THADA: variants seen among roughly 807,000 people sequenced by gnomAD.
THADA encodes the protein THADA armadillo repeat containing.
Under a neutral mutation model 219.8 loss-of-function variants are expected in THADA, and 213 were observed. The ratio of observed to expected loss-of-function variants is 0.97; its 90% confidence interval spans 0.87 to 1.09. The LOEUF (loss-of-function observed/expected upper bound fraction) is 1.09, where lower values mean the gene tolerates loss of function less well. THADA is among the 50% of genes least tolerant of loss of function. The pLI is 0.00. For synonymous variants in THADA, 1,018 were observed against 828.9 expected (o/e 1.23, Z -3.92); for missense variants, 2,956 against 2,311.3 (o/e 1.28, Z -5.72).
At chr2:43,353,897 A>G (rs1668571765) in intron 29 of THADA, among the ~76,000 whole-genome samples, 1 of 150,474 alleles carries the variant, frequency 6.6e-6, no homozygotes, top group Non-Finnish European at 1.5e-5. Context: ...GGCTCACTGC[A>G]AGCTCCGCCT....
chr2:43,543,625 G>A (rs1235777093), intron 20 of THADA, among the ~76,000 whole-genome samples: 4 of 152,222 alleles, frequency 2.6e-5, no homozygotes, highest in Admixed American at 2.6e-4. Context: ...CTGATGGCCA[G>A]TGATGGTGAG....
Position 43,378,708 on chromosome 2 carries a change from C to T in THADA, c.4227+19263G>A, listed in dbSNP as rs146548530. On this transcript the variant is annotated intron_variant, in intron 29 of 37. Transcript: ENST00000405975. The stretch of plus-strand genomic sequence containing the variant: ...GCAACCTCCACTTCCAGGGTTCAAG[C>T]GATTTTCCTGCCTCAGCCTCCTGAA... 3.2e-3 allele frequency among the ~76,000 whole-genome samples: 485 copies of T among 152,244 alleles called. 7 individuals carry two copies. The highest frequency in any genetic ancestry group is 3.4e-3 in the Non-Finnish European group (229 of 68,024).
chr2:43,497,668 C>T (rs1273162327), intron 25 of THADA, among the ~76,000 whole-genome samples: 1 of 152,144 alleles, frequency 6.6e-6, no homozygotes, highest in Non-Finnish European at 1.5e-5. Flanking sequence ...GGGCAGATCA[C>T]GAGGTCAGGA....
chr2:43,487,377 G>T (rs1248545363), intron 25 of THADA, among the ~76,000 whole-genome samples: 2 of 152,114 alleles, frequency 1.3e-5, no homozygotes, highest in African/African-American at 2.4e-5. Context: ...AATTAAAACA[G>T]GAGTGCCTGG....
chr2:43,414,800 G>T (rs936510629), intron 28 of THADA, among the ~76,000 whole-genome samples: 1 of 152,124 alleles, frequency 6.6e-6, no homozygotes, highest in African/African-American at 2.4e-5. Flanking sequence ...TATCTGGAAG[G>T]ATTCACTGTG....
intron 25 of THADA, among the ~76,000 whole-genome samples, chr2:43,498,104 A>C (rs537249661): frequency 6.6e-6 from 1 of 152,294 alleles, no homozygotes; most frequent in African/African-American, 2.4e-5. Flanking sequence ...TCAACCCTTC[A>C]TATACTACAT....
chr2:43,520,294 T>G (rs1185307489), intron 22 of THADA, among the ~76,000 whole-genome samples: 1 of 152,228 alleles, frequency 6.6e-6, no homozygotes. Flanking sequence ...ATACAAAATA[T>G]ACAGTGTCTT....
intron 36 of THADA, among the ~76,000 whole-genome samples, chr2:43,266,382 G>A (rs529286763): frequency 2.0e-5 from 3 of 152,316 alleles, no homozygotes; most frequent in Admixed American, 2.0e-4. Flanking sequence ...ACAAGGTCAG[G>A]AGATCCAGAC....
intron 28 of THADA, among the ~76,000 whole-genome samples, chr2:43,408,707 T>C (rs559169050): frequency 6.6e-6 from 1 of 152,316 alleles, no homozygotes; most frequent in East Asian, 1.9e-4. Context: ...TTAGAGTAAA[T>C]GATCTCCAAA....
chr2:43,421,707 A>C (rs1200545464), intron 28 of THADA, among the ~76,000 whole-genome samples: 1 of 152,258 alleles, frequency 6.6e-6, no homozygotes, highest in Non-Finnish European at 1.5e-5. Flanking sequence ...AAAGGTAATT[A>C]AATTAATAAA....
At chr2:43,391,419 C>T (rs560533230) in intron 29 of THADA, among the ~76,000 whole-genome samples, 1 of 152,180 alleles carries the variant, frequency 6.6e-6, no homozygotes, top group East Asian at 1.9e-4. Flanking sequence ...AAAGCTGTCT[C>T]CAACACCCAG....
chr2:43,333,261 C>T (rs1486777224), intron 30 of THADA: 3 of 152,072 alleles, frequency 2.0e-5, no homozygotes, highest in Non-Finnish European at 4.4e-5. Flanking sequence ...ATTCCTGAGA[C>T]GTCTGAAAGG....
At position 43,515,249 on chromosome 2, in the gene THADA, T is replaced by TATATA. The variant is rs1691460491; in HGVS notation, c.3375-6474_3375-6470dup. 1.1e-3 allele frequency among the ~76,000 whole-genome samples: 15 copies of TATATA among 13,566 alleles called. 3 individuals are homozygous for TATATA. The highest frequency in any genetic ancestry group is 2.1e-3 in the Non-Finnish European group (13 of 6,278). The allele number at this position is 13,566 out of a possible 152,430, so 8.9% of individuals were successfully genotyped here. ...ATATAATATATAATATATAATATAT[T>TATATA]ATATATAATATATAATATATAATAT... is the stretch of plus-strand genomic sequence containing the variant. On this transcript the variant is annotated intron_variant, in intron 22 of 37. Transcript: ENST00000405975.
At chr2:43,238,988 A>G (rs1453762554) in intron 36 of THADA, among the ~76,000 whole-genome samples, 1 of 152,176 alleles carries the variant, frequency 6.6e-6, no homozygotes, top group Non-Finnish European at 1.5e-5. Context: ...GCAAGAAGAA[A>G]TATGCCCTAG....
At chr2:43,477,932 T>C (rs757871242) in intron 26 of THADA, among the ~76,000 whole-genome samples, 3 of 152,240 alleles carry the variant, frequency 2.0e-5, no homozygotes, top group Non-Finnish European at 4.4e-5. Flanking sequence ...CCCTCTTCTC[T>C]ACCTATTGAA....
At chr2:43,466,268 T>A (rs767412623) in intron 26 of THADA, among the ~76,000 whole-genome samples, 1 of 152,226 alleles carries the variant, frequency 6.6e-6, no homozygotes, top group Non-Finnish European at 1.5e-5. Context: ...CATATTAATG[T>A]CTTCAAGAAA....
At chr2:43,555,759 A>G (rs958791579) in intron 17 of THADA, among the ~76,000 whole-genome samples, 1 of 152,074 alleles carries the variant, frequency 6.6e-6, no homozygotes, top group African/African-American at 2.4e-5. Flanking sequence ...CTCTCTTTCT[A>G]TATCTGATCT....
chr2:43,458,321 A>C (rs377379706), intron 26 of THADA, among the ~76,000 whole-genome samples: 2 of 152,140 alleles, frequency 1.3e-5, no homozygotes, highest in East Asian at 3.9e-4. Flanking sequence ...GCAAAAGCAA[A>C]AAGGGGTGAA....
intron 31 of THADA, among the ~76,000 whole-genome samples, chr2:43,318,798 C>G (rs1666867314): frequency 6.6e-6 from 1 of 152,144 alleles, no homozygotes; most frequent in African/African-American, 2.4e-5. Flanking sequence ...ATGTTAACAG[C>G]TTGGAGAAAT....
Sources: gnomAD v4.1 joint callset for allele counts (sites outside exome capture counted in the v4.1 genomes callset) on GRCh38, gnomAD v4.1.1 for gene constraint, MANE v1.5 for transcripts, NCBI Gene and HGNC (gene_info 2026-07-23, HGNC 2026-07-21) for gene names.